Variants in PRH1 observed in about 807,000 individuals in gnomAD.
PRH1 encodes the protein salivary acidic proline-rich phosphoprotein 1/2.
In PRH1, 7 loss-of-function variants were observed where a neutral mutation model predicts 7.9. The ratio of observed to expected loss-of-function variants is 0.89; its 90% confidence interval spans 0.50 to 1.67. The LOEUF (loss-of-function observed/expected upper bound fraction) is 1.67. Ranked by LOEUF, PRH1 falls within the 40% of genes most tolerant of loss-of-function variation. The pLI is 0.00. For missense variants in PRH1, 109 were observed against 223.6 expected (o/e 0.49, Z 3.27); for synonymous variants, 45 against 80.8 (o/e 0.56, Z 2.38).
At chr12:10,999,162 T>C (rs1940456158) in intron 1 of PRH1, among the ~76,000 whole-genome samples, 1 of 152,122 alleles carries the variant, frequency 6.6e-6, no homozygotes, top group Non-Finnish European at 1.5e-5. Context: ...TGGAGAAGTT[T>C]CTTTTGCAGA....
intron 1 of PRH1, among the ~76,000 whole-genome samples, chr12:11,109,675 A>G (rs950686925): frequency 6.6e-6 from 1 of 152,178 alleles, no homozygotes; most frequent in Non-Finnish European, 1.5e-5. Context: ...GATCACCAAC[A>G]TCAAAGACCA....
chr12:11,015,652 T>G (rs1333318491), intron 1 of PRH1, among the ~76,000 whole-genome samples: 3 of 152,134 alleles, frequency 2.0e-5, no homozygotes, highest in Admixed American at 6.5e-5. Context: ...AATTTTCTTT[T>G]TGTGTGTGTG....
chr12:10,903,253 A>G (rs1188511675), intron 2 of PRH1, among the ~76,000 whole-genome samples: 5 of 152,180 alleles, frequency 3.3e-5, no homozygotes, highest in Non-Finnish European at 7.4e-5. Flanking sequence ...CAGTAAAAAA[A>G]TGACACAGAA....
intron 1 of PRH1, among the ~76,000 whole-genome samples, chr12:11,020,375 T>TATATATATATGTCTATAG (rs1941552281): frequency 7.9e-6 from 1 of 126,560 alleles, no homozygotes; most frequent in Admixed American, 8.5e-5. Flanking sequence ...TATATATATA[T>TATATATATATGTCTATAG]ATATATATAT....
At chr12:10,908,478 G>A (rs765620420) in intron 2 of PRH1, 12 of 1,613,806 alleles carry the variant, frequency 7.4e-6, no homozygotes, top group Non-Finnish European at 8.5e-6. Context: ...GTGGCTTGAA[G>A]GAGAGAAGAC....
At chr12:11,074,303 T>G (rs1402988473) in intron 1 of PRH1, among the ~76,000 whole-genome samples, 2 of 151,878 alleles carry the variant, frequency 1.3e-5, no homozygotes, top group Non-Finnish European at 2.9e-5. Context: ...CCTTCTAATG[T>G]GACACTTCAC....
At chr12:11,131,474 G>C (rs966980105) in intron 1 of PRH1, among the ~76,000 whole-genome samples, 8 of 152,170 alleles carry the variant, frequency 5.3e-5, no homozygotes, top group African/African-American at 1.9e-4. Context: ...TTTTAGTAAA[G>C]TAGCTGGTTA....
At chr12:11,004,710 A>T (rs986714992) in intron 1 of PRH1, among the ~76,000 whole-genome samples, 2 of 152,030 alleles carry the variant, frequency 1.3e-5, no homozygotes, top group Non-Finnish European at 2.9e-5. Context: ...GAAGTTTCAA[A>T]TACTTTTTTG....
At chr12:11,148,190 G>A (rs1946932271) in intron 1 of PRH1, among the ~76,000 whole-genome samples, 1 of 146,018 alleles carries the variant, frequency 6.8e-6, no homozygotes, top group Non-Finnish European at 1.5e-5. Flanking sequence ...ATTTTGGGCT[G>A]AGACAATGGG....
chr12:10,959,174 T>A (rs1469756381), intron 2 of PRH1, among the ~76,000 whole-genome samples: 1 of 152,114 alleles, frequency 6.6e-6, no homozygotes, highest in Non-Finnish European at 1.5e-5. Context: ...CATTTTTTTT[T>A]AGTCTAAGCA....
chr12:10,985,657 G>T (rs1382317370), intron 1 of PRH1, among the ~76,000 whole-genome samples: 1 of 152,048 alleles, frequency 6.6e-6, no homozygotes, highest in Non-Finnish European at 1.5e-5. Context: ...TCATGATTCT[G>T]AAAAACTTCT....
intron 2 of PRH1, among the ~76,000 whole-genome samples, chr12:10,911,106 A>G (rs901556379): frequency 1.5e-4 from 23 of 152,292 alleles, no homozygotes; most frequent in African/African-American, 5.1e-4. Context: ...TTCCATTTGC[A>G]TTCTTGACCC....
chr12:10,881,608 T>C (rs1949401794), intron 3 of PRH1, among the ~76,000 whole-genome samples: 1 of 152,206 alleles, frequency 6.6e-6, no homozygotes, highest in Non-Finnish European at 1.5e-5. Flanking sequence ...TATATATTTA[T>C]GTAGCAATAT....
intron 1 of PRH1, chr12:11,166,035 C>A (rs565877315): frequency 6.6e-6 from 1 of 152,354 alleles, no homozygotes; most frequent in African/African-American, 2.4e-5. Flanking sequence ...TTTTTTAATG[C>A]TCCTACCACT....
intron 2 of PRH1, among the ~76,000 whole-genome samples, chr12:10,956,675 T>C (rs1239197341): frequency 2.6e-5 from 4 of 152,140 alleles, no homozygotes; most frequent in African/African-American, 4.8e-5. Context: ...ATCCCCACAG[T>C]TTCTGGCCAA....
chr12:11,145,631 T>G (rs895569958), intron 1 of PRH1, among the ~76,000 whole-genome samples: 1 of 152,172 alleles, frequency 6.6e-6, no homozygotes, highest in Non-Finnish European at 1.5e-5. Flanking sequence ...AAAAGGAAAT[T>G]TGGGAAACTC....
chr12:10,966,242 A>G (rs1348359790), intron 2 of PRH1, among the ~76,000 whole-genome samples: 2 of 152,224 alleles, frequency 1.3e-5, no homozygotes, highest in African/African-American at 4.8e-5. Context: ...TCATTAAAAT[A>G]TTCAACATTT....
At chr12:11,062,931 A>T (rs948857152) in intron 1 of PRH1, among the ~76,000 whole-genome samples, 1 of 152,100 alleles carries the variant, frequency 6.6e-6, no homozygotes, top group East Asian at 1.9e-4. Context: ...ACAAGCTCAT[A>T]AATACACACA....
At chr12:11,035,186 C>G (rs1291711067) in intron 1 of PRH1, among the ~76,000 whole-genome samples, 1 of 151,874 alleles carries the variant, frequency 6.6e-6, no homozygotes, top group Non-Finnish European at 1.5e-5. Flanking sequence ...CTGATAGTTT[C>G]TAAAAATATA....
Sources: allele counts gnomAD v4.1 joint callset (sites outside exome capture counted in the v4.1 genomes callset), GRCh38; gene constraint gnomAD v4.1.1; transcripts MANE v1.5; gene names NCBI Gene and HGNC (gene_info 2026-07-23, HGNC 2026-07-21).